The following OXR1 variants were observed in gnomAD, a reference collection of about 807,000 sequenced individuals.
The protein encoded by OXR1 is oxidation resistance protein 1.
Under a neutral mutation model 104.6 loss-of-function variants are expected in OXR1, and 41 were observed. That is an observed-to-expected ratio of 0.39 (90% confidence interval 0.31 to 0.51). The LOEUF (loss-of-function observed/expected upper bound fraction) is 0.51, where lower values mean the gene tolerates loss of function less well. Among genes scored for constraint, OXR1 ranks in the 20% least tolerant of loss-of-function variants. The pLI, the probability that OXR1 is intolerant of heterozygous loss-of-function variation, is 0.77. For missense variants in OXR1, 955 were observed against 1,031.9 expected (o/e 0.93, Z 1.02); for synonymous variants, 348 against 348.4 (o/e 1.00, Z 0.01).
chr8:106,707,300 T>C (rs1831240839), intron 9 of OXR1, 155 bp downstream of exon 9: 4 of 703,226 alleles, frequency 5.7e-6, no homozygotes, highest in African/African-American at 3.5e-5. Flanking sequence ...ATATACAGTC[T>C]CCAGTGTCTA....
intron 2 of OXR1, among the ~76,000 whole-genome samples, 193 bp from the exon 3 acceptor site, chr8:106,518,750 A>AT (rs1474356797): frequency 6.6e-6 from 1 of 152,162 alleles, no homozygotes; most frequent in Non-Finnish European, 1.5e-5. Context: ...GGCAGAAGAT[A>AT]TTTTTCCTTC....
chr8:106,658,969 T>TA (rs1223914198), intron 3 of OXR1, among the ~76,000 whole-genome samples: 6 of 152,378 alleles, frequency 3.9e-5, no homozygotes, highest in African/African-American at 1.4e-4. Flanking sequence ...GCAGACATCC[T>TA]AGCCATGTCT....
chr8:106,329,243 C>T (rs1435869503), intron 1 of OXR1, among the ~76,000 whole-genome samples: 6 of 151,778 alleles, frequency 4.0e-5, no homozygotes, highest in Admixed American at 3.9e-4. Flanking sequence ...CCGCCCACCT[C>T]GCCCTCCCAA....
At chr8:106,304,810 G>T (rs975699213) in intron 1 of OXR1, among the ~76,000 whole-genome samples, 2 of 152,040 alleles carry the variant, frequency 1.3e-5, no homozygotes, top group African/African-American at 2.4e-5. Flanking sequence ...ACATATATTG[G>T]CAGGTTCTAC....
chr8:106,612,443 T>A (rs1017676610), intron 3 of OXR1, among the ~76,000 whole-genome samples: 1 of 152,158 alleles, frequency 6.6e-6, no homozygotes, highest in South Asian at 2.1e-4. Context: ...ACTTGTTACA[T>A]ATGTATCATT....
chr8:106,659,175 G>A (rs539472168), intron 3 of OXR1, among the ~76,000 whole-genome samples: 7 of 152,246 alleles, frequency 4.6e-5, no homozygotes, highest in Admixed American at 4.6e-4. Context: ...GCCCAGGCTG[G>A]TCTTAACTCT....
intron 2 of OXR1, among the ~76,000 whole-genome samples, chr8:106,501,804 A>G (rs1811826380): frequency 6.6e-6 from 1 of 152,184 alleles, no homozygotes; most frequent in Admixed American, 6.5e-5. Context: ...GGTTATTTTG[A>G]AACATCCAGG....
chr8:106,611,149 C>T (rs1820782522), intron 3 of OXR1, among the ~76,000 whole-genome samples: 1 of 152,166 alleles, frequency 6.6e-6, no homozygotes, highest in Non-Finnish European at 1.5e-5. Context: ...GAGAACACCC[C>T]TCTAAAGAGG....
chr8:106,752,675 A>G lies in OXR1; in HGVS notation c.*1734A>G, dbSNP rs1835966945. 1 of 152,554 alleles carries G rather than the reference A, an allele frequency of 6.6e-6. No homozygotes were observed. The highest frequency in any genetic ancestry group is 1.5e-5 in the Non-Finnish European group (1 of 67,972). The allele number at this position is 152,554 out of a possible 1,614,324, so 9.5% of individuals were successfully genotyped here. ...GTCATAGTGGCATATACCAAATAAA[A>G]TCAAATACAGAAATACAAATGAGTT... On this transcript the variant is annotated 3_prime_UTR_variant, in exon 17 of 17. Transcript: ENST00000517566.
chr8:106,272,053 A>T (rs1387399411), intron 1 of OXR1: 1 of 152,192 alleles, frequency 6.6e-6, no homozygotes, highest in African/African-American at 2.4e-5. Context: ...CATTTAAGGG[A>T]TCTCTGGTGG....
At chr8:106,292,987 G>A (rs569119991) in intron 1 of OXR1, among the ~76,000 whole-genome samples, 2 of 152,332 alleles carry the variant, frequency 1.3e-5, no homozygotes, top group East Asian at 1.9e-4. Context: ...TTGCTGTGAC[G>A]TGAGAAGTAA....
intron 10 of OXR1, among the ~76,000 whole-genome samples, chr8:106,711,535 CTG>C (rs1370478378): frequency 2.6e-5 from 4 of 152,054 alleles, no homozygotes; most frequent in African/African-American, 9.7e-5. Flanking sequence ...ATTTACATAT[CTG>C]TGTGTGTATA....
chr8:106,600,318 A>G (rs886685207), intron 3 of OXR1, among the ~76,000 whole-genome samples: 2 of 152,188 alleles, frequency 1.3e-5, no homozygotes, highest in African/African-American at 4.8e-5. Flanking sequence ...CACAAACCCA[A>G]TGTGGCCTGT....
rs2130335069 is a variant in OXR1, at chr8:106,542,172, T to TC, written c.220+23036dup. Among the ~76,000 whole-genome samples the TC allele has an allele frequency of 2.6e-5, 4 of 152,284 alleles. No individual in the cohort carries two copies. The East Asian group carries it at 7.7e-4, about 29-fold the overall frequency. On this transcript the variant is annotated intron_variant, in intron 3 of 16. Transcript: ENST00000517566. ...AATTTTAATAGGTAGGCAGATTTTTTCCCAAGACCTTTAGAGATAATTTTT... is the reference window on the plus strand; with the variant it reads ...AATTTTAATAGGTAGGCAGATTTTTTCCCCAAGACCTTTAGAGATAATTTTT...
intron 2 of OXR1, among the ~76,000 whole-genome samples, chr8:106,498,691 ATGTG>A (rs1811574058): frequency 6.6e-6 from 1 of 152,230 alleles, no homozygotes; most frequent in South Asian, 2.1e-4. Flanking sequence ...ATGTGTGTGC[ATGTG>A]TATGTGTAAA....
At chr8:106,583,739 T>C (rs1328093528) in intron 3 of OXR1, among the ~76,000 whole-genome samples, 1 of 152,160 alleles carries the variant, frequency 6.6e-6, no homozygotes. Flanking sequence ...ATGTTGAGTA[T>C]TTTAAAAAGT....
At chr8:106,696,774 A>G (rs186132349) in intron 7 of OXR1, among the ~76,000 whole-genome samples, 1 of 152,004 alleles carries the variant, frequency 6.6e-6, no homozygotes. Flanking sequence ...CGACAAACTC[A>G]TCTTCCTCAA....
intron 3 of OXR1, among the ~76,000 whole-genome samples, chr8:106,542,189 A>G (rs566433574): frequency 5.2e-4 from 79 of 152,306 alleles, no homozygotes; most frequent in South Asian, 1.7e-3. Flanking sequence ...ACCTTTAGAG[A>G]TAATTTTTTA....
At chr8:106,669,234 A>G (rs2131142836) in intron 3 of OXR1, among the ~76,000 whole-genome samples, 1 of 152,302 alleles carries the variant, frequency 6.6e-6, no homozygotes, top group African/African-American at 2.4e-5. Context: ...CAAATTTGCC[A>G]TTTAATTTAT....
Sources: allele counts gnomAD v4.1 joint callset (sites outside exome capture counted in the v4.1 genomes callset), GRCh38; gene constraint gnomAD v4.1.1; transcripts MANE v1.5; gene names NCBI Gene and HGNC (gene_info 2026-07-23, HGNC 2026-07-21).